Variants in CRYBG1 observed in about 807,000 individuals in gnomAD.
CRYBG1 encodes beta/gamma crystallin domain-containing protein 1.
A neutral mutation model predicts 189.2 loss-of-function variants in CRYBG1; 139 were observed. That is an observed-to-expected ratio of 0.73 (90% confidence interval 0.64 to 0.85). The LOEUF is 0.85. Ranked by LOEUF, CRYBG1 falls within the 40% of genes least tolerant of loss-of-function variation. The pLI is 0.00. For missense variants in CRYBG1, 2,611 were observed against 2,675.8 expected (o/e 0.98, Z 0.53); for synonymous variants, 1,023 against 1,017.1 (o/e 1.01, Z -0.11).
chr6:106,451,727 T>C lies in CRYBG1; in HGVS notation c.207T>C (p.Val69=). The C allele has an allele frequency of 6.5e-7, 1 of 1,534,544 alleles. No individual in the cohort carries two copies. The highest frequency in any genetic ancestry group is 8.7e-7 in the Non-Finnish European group (1 of 1,146,258). ...ATGTAGTCGATGGAAAATATGTGGT[T>C]CGAGACTCCCAGGAATTTCCACTGC... ...ALDVVDGKYV[V]RDSQEFPLHC... The change falls in exon 2 of 22, where the codon GTT becomes GTC. Residue 69 remains valine, a synonymous_variant. Transcript: ENST00000633556.
chr6:106,535,238 A>G (rs145827015), intron 8 of CRYBG1, among the ~76,000 whole-genome samples: 104 of 152,340 alleles, frequency 6.8e-4, no homozygotes, highest in African/African-American at 2.5e-3. Flanking sequence ...ATTGATGGGT[A>G]CATCTCTATG....
At chr6:106,455,276 GACAA>G (rs1381559714) in intron 2 of CRYBG1, among the ~76,000 whole-genome samples, 1 of 151,972 alleles carries the variant, frequency 6.6e-6, no homozygotes, top group African/African-American at 2.4e-5. Context: ...TGTATTATGT[GACAA>G]ACACGAATTG....
At chr6:106,410,302 T>C (rs1446703683) in intron 1 of CRYBG1, among the ~76,000 whole-genome samples, 1 of 152,114 alleles carries the variant, frequency 6.6e-6, no homozygotes, top group South Asian at 2.1e-4. Context: ...ATTAGAGAAA[T>C]GCAAATCAAA....
At chr6:106,407,473 T>C (rs1476345857) in intron 1 of CRYBG1, among the ~76,000 whole-genome samples, 3 of 152,090 alleles carry the variant, frequency 2.0e-5, no homozygotes, top group African/African-American at 7.2e-5. Flanking sequence ...ATTACACAGA[T>C]CAACGAGACA....
At chr6:106,528,543 A>T (rs1273721459) in intron 7 of CRYBG1, among the ~76,000 whole-genome samples, 1 of 152,068 alleles carries the variant, frequency 6.6e-6, no homozygotes, top group Admixed American at 6.6e-5. Flanking sequence ...TTCTCACCTA[A>T]CACTGTGGTT....
rs1774993946 is a variant in CRYBG1 at position 106,569,450 on chromosome 6, TG to T, written c.*887del. The T allele has an allele frequency of 6.6e-6, 1 of 152,054 alleles. No homozygotes were observed. Among genetic ancestry groups the T allele is most frequent in the African/African-American group, 2.4e-5 (1 of 41,388 alleles). The allele number at this position is 152,054 out of a possible 1,614,324, so 9.4% of individuals were successfully genotyped here. On this transcript the variant is annotated 3_prime_UTR_variant, in exon 22 of 22. Transcript: ENST00000633556. The stretch of plus-strand genomic sequence containing the variant: ...GTTGCCCAGGCTGATCTCGAACCTC[TG>T]GGCTCAAGCAATTCACTCGCCTCGG...
In CRYBG1 at chr6:106,558,604, C is replaced by T; in HGVS notation, c.5834C>T (p.Ser1945Phe). ...RSLGFNTQIR[S>F]VQVIGGIWVT... is the part of the protein sequence containing the mutation. ...CTGGGATTCAACACACAAATACGCT[C>T]TGTTCAGGTTATTGGTGGCATGTGA... The change falls in exon 18 of 22, where the codon TCT (serine) becomes TTT (phenylalanine). Residue 1945 changes from serine to phenylalanine, a missense_variant. Around this residue, in one of 3 missense-constraint regions of CRYBG1, gnomAD observed 1,622 missense variants for 1,735.0 expected, o/e 0.93. Coordinates refer to ENST00000633556, the MANE Select transcript of CRYBG1 (RefSeq NM_001371242.2). 6.2e-7 allele frequency: 1 copy of T among 1,611,078 alleles called. No individual in the cohort carries two copies. The highest frequency in any genetic ancestry group is 1.1e-5 in the South Asian group (1 of 90,250).
At chr6:106,475,226 A>T (rs571944377) in intron 2 of CRYBG1, among the ~76,000 whole-genome samples, 1 of 152,322 alleles carries the variant, frequency 6.6e-6, no homozygotes, top group East Asian at 1.9e-4. Context: ...CAGCTAACTG[A>T]AACTTACTTA....
chr6:106,503,087 C>A (rs538931060), intron 2 of CRYBG1, among the ~76,000 whole-genome samples: 4 of 152,130 alleles, frequency 2.6e-5, no homozygotes, highest in Admixed American at 6.5e-5. Flanking sequence ...GAGAGAACAG[C>A]GGCGGAAGTG....
intron 1 of CRYBG1, among the ~76,000 whole-genome samples, chr6:106,411,102 T>C (rs1770920701): frequency 6.6e-6 from 1 of 151,988 alleles, no homozygotes; most frequent in Non-Finnish European, 1.5e-5. Flanking sequence ...AAGAACTGGG[T>C]TAAAAAAATG....
Position 106,499,757 on chromosome 6 carries a change from A to G in CRYBG1, c.313-11673A>G, listed in dbSNP as rs540799231. Among the ~76,000 whole-genome samples, 8 of 152,290 alleles carry G rather than the reference A, an allele frequency of 5.3e-5. No homozygotes were observed. The East Asian group carries it at 1.5e-3, about 29-fold the overall frequency. On this transcript the variant is annotated intron_variant, in intron 2 of 21. Coordinates refer to ENST00000633556, the MANE Select transcript of CRYBG1 (RefSeq NM_001371242.2). ...TTAACTATGGTCACCATGCTGTGCA[A>G]TAGATCTTGAAAACTTATTGCTCCT...
At chr6:106,438,908 A>G (rs1320348828) in intron 1 of CRYBG1, among the ~76,000 whole-genome samples, 1 of 152,180 alleles carries the variant, frequency 6.6e-6, no homozygotes. Context: ...TGGTAACAAG[A>G]GAAAAATATG....
intron 1 of CRYBG1, among the ~76,000 whole-genome samples, chr6:106,374,370 A>G (rs1770104961): frequency 6.6e-6 from 1 of 152,186 alleles, no homozygotes; most frequent in Non-Finnish European, 1.5e-5. Context: ...TCTGACCAAC[A>G]TAGGAAGACT....
At chr6:106,406,475 C>G (rs74772179) in intron 1 of CRYBG1, among the ~76,000 whole-genome samples, 1 of 152,176 alleles carries the variant, frequency 6.6e-6, no homozygotes, top group African/African-American at 2.4e-5. Context: ...AGGATATTAT[C>G]CAGGAGAACT....
intron 2 of CRYBG1, among the ~76,000 whole-genome samples, chr6:106,490,488 T>C (rs1381949431): frequency 6.6e-6 from 1 of 152,206 alleles, no homozygotes; most frequent in Non-Finnish European, 1.5e-5. Flanking sequence ...TTTTTTACAC[T>C]CAGAAGATTT....
At chr6:106,545,677 TCTC>T (rs1387359567) in intron 13 of CRYBG1, among the ~76,000 whole-genome samples, 1 of 114,884 alleles carries the variant, frequency 8.7e-6, no homozygotes, top group Non-Finnish European at 2.1e-5. Context: ...CAGCTTTTGT[TCTC>T]CTAACTCTTT....
intron 1 of CRYBG1, among the ~76,000 whole-genome samples, chr6:106,379,435 G>C (rs1475411573): frequency 6.7e-6 from 1 of 148,926 alleles, no homozygotes; most frequent in Non-Finnish European, 1.5e-5. Flanking sequence ...CTAATTTTTT[G>C]TATTTTTAGT....
intron 1 of CRYBG1, among the ~76,000 whole-genome samples, chr6:106,384,021 G>A (rs958333724): frequency 5.3e-5 from 8 of 152,230 alleles, no homozygotes. Context: ...CAGATGTGTA[G>A]TGTTGGCCAT....
At chr6:106,467,630 C>T (rs139799461) in intron 2 of CRYBG1, among the ~76,000 whole-genome samples, 24 of 152,048 alleles carry the variant, frequency 1.6e-4, no homozygotes, top group African/African-American at 4.8e-4. Flanking sequence ...AGTTTTAAGA[C>T]TAACAGAGCA....
Sources: allele counts gnomAD v4.1 joint callset (sites outside exome capture counted in the v4.1 genomes callset), GRCh38; gene constraint gnomAD v4.1.1; regional missense constraint gnomAD v4.1.1; transcripts MANE v1.5; gene names NCBI Gene and HGNC (gene_info 2026-07-23, HGNC 2026-07-21).